CAMTA1: variants seen among roughly 807,000 people sequenced by gnomAD.
The protein encoded by CAMTA1 is calmodulin binding transcription activator 1, also known as calmodulin-binding transcription activator 1.
CAMTA1 carries 27 observed loss-of-function variants against 170.9 expected under a neutral mutation model. That is an observed-to-expected ratio of 0.16 (90% CI 0.12 to 0.22). CAMTA1 has a LOEUF of 0.22. Ranked by LOEUF, CAMTA1 falls within the 10% of genes least tolerant of loss-of-function variation. CAMTA1 has a pLI of 1.00. For synonymous variants in CAMTA1, 833 were observed against 891.5 expected (o/e 0.93, Z 1.17); for missense variants, 1,619 against 2,217.2 (o/e 0.73, Z 5.42).
chr1:7,439,214 C>T (rs951352616), intron 5 of CAMTA1, among the ~76,000 whole-genome samples: 7 of 152,174 alleles, frequency 4.6e-5, no homozygotes, highest in African/African-American at 1.7e-4. Context: ...GACAGGCTCC[C>T]CATTTCTGTC....
At chr1:7,112,998 G>A (rs183531672) in intron 4 of CAMTA1, among the ~76,000 whole-genome samples, 2 of 152,240 alleles carry the variant, frequency 1.3e-5, no homozygotes, top group African/African-American at 4.8e-5. Context: ...AACCTTTCCC[G>A]GCAGCCTCAC....
rs1166973578 is a variant in CAMTA1 at position 7,705,192 on chromosome 1, CTGGGGCGAGAG to C, written c.2915-27250_2915-27240del. 6.0e-5 allele frequency among the ~76,000 whole-genome samples: 9 copies of C among 149,328 alleles called. No individual in the cohort carries two copies. In the East Asian group the frequency reaches 1.8e-3, roughly 30 times the overall value. On this transcript the variant is annotated intron_variant, in intron 11 of 22. Coordinates refer to ENST00000303635, the MANE Select transcript of CAMTA1 (RefSeq NM_015215.4). ...CGGGCCCGGTGTGAGGGGCGTGTTT[CTGGGGCGAGAG>C]TGGGGAGTGAGTGTGAGGAGCAAGG...
Position 7,570,253 on chromosome 1 carries a change from G to A in CAMTA1, c.511-70147G>A, listed in dbSNP as rs1174494071. 6.6e-6 allele frequency among the ~76,000 whole-genome samples: 1 copy of A among 152,158 alleles called. No individual in the cohort carries two copies. The highest frequency in any genetic ancestry group is 2.4e-5 in the African/African-American group (1 of 41,442). On this transcript the variant is annotated intron_variant, in intron 6 of 22. Coordinates refer to ENST00000303635, the MANE Select transcript of CAMTA1 (RefSeq NM_015215.4). This position sits in a 1 kb window ranked among gnomAD's most constrained non-coding sequence, Gnocchi z 4.3. The stretch of plus-strand genomic sequence containing the variant: ...TCATCCAGGAGAGTTCTTTTCCCTG[G>A]CTTCTGCTTTTGATCCCTGAGGAGA...
intron 4 of CAMTA1, among the ~76,000 whole-genome samples, chr1:7,148,181 A>G (rs1311126415): frequency 4.6e-5 from 7 of 151,466 alleles, no homozygotes; most frequent in Admixed American, 6.6e-5. Flanking sequence ...ACATGCACAC[A>G]CATGCTCACA....
At chr1:7,176,782 C>T (rs1452898352) in intron 4 of CAMTA1, among the ~76,000 whole-genome samples, 2 of 152,148 alleles carry the variant, frequency 1.3e-5, no homozygotes, top group Non-Finnish European at 2.9e-5. Flanking sequence ...ATGGTCAGGC[C>T]ACCCCTGGCT....
chr1:6,991,324 A>G (rs889916017), intron 3 of CAMTA1, among the ~76,000 whole-genome samples: 2 of 152,076 alleles, frequency 1.3e-5, no homozygotes, highest in African/African-American at 4.8e-5. Context: ...TTTTTCCCCT[A>G]AAGTGGTTGT....
At chr1:6,919,977 C>T (rs1029991027) in intron 3 of CAMTA1, among the ~76,000 whole-genome samples, 40 of 152,048 alleles carry the variant, frequency 2.6e-4, no homozygotes, top group Non-Finnish European at 1.3e-4. Context: ...CATATCATTC[C>T]TCCCCTGGTC....
intron 3 of CAMTA1, among the ~76,000 whole-genome samples, chr1:7,054,175 G>A (rs1048818810): frequency 6.6e-6 from 1 of 152,206 alleles, no homozygotes; most frequent in African/African-American, 2.4e-5. Context: ...ACCAGCAGGG[G>A]CTGTTCTTAC....
intron 3 of CAMTA1, among the ~76,000 whole-genome samples, chr1:7,052,948 G>T (rs970672814): frequency 6.6e-5 from 10 of 152,116 alleles, no homozygotes; most frequent in African/African-American, 2.4e-4. Flanking sequence ...GCTTTCCATC[G>T]CCCAGAGCAG....
intron 4 of CAMTA1, among the ~76,000 whole-genome samples, chr1:7,240,032 G>T (rs1664590510): frequency 6.6e-6 from 1 of 152,168 alleles, no homozygotes. Flanking sequence ...TTGTAGTGGG[G>T]ATTAAGTTTC....
At chr1:7,373,038 C>T (rs2086593789) in intron 5 of CAMTA1, among the ~76,000 whole-genome samples, 6 of 152,288 alleles carry the variant, frequency 3.9e-5, no homozygotes, top group Admixed American at 3.9e-4. Flanking sequence ...CTCCTTCCAC[C>T]CCAACATGTA....
intron 5 of CAMTA1, among the ~76,000 whole-genome samples, chr1:7,465,403 G>T (rs112382200): frequency 3.3e-5 from 5 of 152,120 alleles, no homozygotes; most frequent in African/African-American, 1.2e-4. Flanking sequence ...GGTACTGTTT[G>T]ATGTGATCCT....
chr1:7,491,136 C>A lies in CAMTA1; in HGVS notation c.510+23235C>A, dbSNP rs188437091. ...ACCTCCACATCTGAACTCCTCCAAGCTTTTCTGATGGTGTTTGGGCTGTAC... is the reference window on the plus strand; with the variant it reads ...ACCTCCACATCTGAACTCCTCCAAGATTTTCTGATGGTGTTTGGGCTGTAC... On this transcript the variant is annotated intron_variant, in intron 6 of 22. Transcript: ENST00000303635. Among the ~76,000 whole-genome samples the A allele has an allele frequency of 4.7e-3, 721 of 152,284 alleles. 5 individuals are homozygous for A. Among genetic ancestry groups the A allele is most frequent in the African/African-American group, 0.016 (684 of 41,550 alleles).
At chr1:7,104,639 T>C (rs1643399793) in intron 4 of CAMTA1, among the ~76,000 whole-genome samples, 1 of 152,174 alleles carries the variant, frequency 6.6e-6, no homozygotes, top group Admixed American at 6.5e-5. Context: ...CCCCTAGCAC[T>C]GTGCTCCTTT....
intron 4 of CAMTA1, among the ~76,000 whole-genome samples, chr1:7,194,602 G>A (rs568368987): frequency 1.7e-4 from 26 of 152,246 alleles, no homozygotes; most frequent in African/African-American, 5.1e-4. Flanking sequence ...TGTGGTGAGC[G>A]TTACATCCTG....
rs541572258 is a variant in CAMTA1, at chr1:7,635,588, G to A, written c.511-4812G>A. Among the ~76,000 whole-genome samples the A allele has an allele frequency of 1.7e-4, 25 of 146,782 alleles. No homozygotes were observed. In the South Asian group the frequency reaches 3.9e-3, roughly 23 times the overall value. ...CGCGCCACTGCACTCCAGCCTGGGG[G>A]ACAGAGCAAGACTCCGTCTCAAAAA... On this transcript the variant is annotated intron_variant, in intron 6 of 22. Coordinates refer to ENST00000303635, the MANE Select transcript of CAMTA1 (RefSeq NM_015215.4). The surrounding 1 kb of genome is among the most constrained non-coding windows in gnomAD (Gnocchi z 4.4).
chr1:6,818,827 G>C (rs1295378910), intron 1 of CAMTA1, among the ~76,000 whole-genome samples: 1 of 151,044 alleles, frequency 6.6e-6, no homozygotes, highest in Non-Finnish European at 1.5e-5. Flanking sequence ...CTTTGGTAGA[G>C]GTGAGGTTTT....
Position 7,767,687 on chromosome 1 carries a change from GAT to G in CAMTA1, c.*1199_*1200del, listed in dbSNP as rs935165851. Reference sequence around the variant, plus strand: ...TATATATTGTATATATTAAAACAGAGATATGTGCATGAAATCAAGAAAAAAGA... The same window carrying G: ...TATATATTGTATATATTAAAACAGAGATGTGCATGAAATCAAGAAAAAAGA... On this transcript the variant is annotated 3_prime_UTR_variant, in exon 23 of 23. Transcript: ENST00000303635. The G allele has an allele frequency of 4.6e-5, 7 of 151,940 alleles. No homozygotes were observed. The highest frequency in any genetic ancestry group is 2.1e-4 in the South Asian group (1 of 4,772). 9.4% of individuals were successfully genotyped at this position (151,940 alleles called of 1,614,324 possible). A position where few individuals can be genotyped will look rare whatever the true frequency, so the allele number is the denominator to read the frequency against.
At chr1:7,406,810 C>A (rs2090330448) in intron 5 of CAMTA1, among the ~76,000 whole-genome samples, 1 of 152,158 alleles carries the variant, frequency 6.6e-6, no homozygotes, top group Non-Finnish European at 1.5e-5. Context: ...CCCCACAGCC[C>A]CCCTCCCGAC....
Sources: gnomAD v4.1 joint callset for allele counts (sites outside exome capture counted in the v4.1 genomes callset) on GRCh38, gnomAD v4.1.1 for gene constraint, Gnocchi (gnomAD v3.1) non-coding constraint, MANE v1.5 for transcripts, NCBI Gene and HGNC (gene_info 2026-07-23, HGNC 2026-07-21) for gene names.